ZNF768: variants seen among roughly 807,000 people sequenced by gnomAD.
The protein encoded by ZNF768 is zinc finger protein 768.
A neutral mutation model predicts 39.7 loss-of-function variants in ZNF768; 12 were observed. The ratio of observed to expected loss-of-function variants is 0.30; its 90% CI spans 0.19 to 0.49. The LOEUF (loss-of-function observed/expected upper bound fraction) is 0.49. Ranked by LOEUF, ZNF768 falls within the 20% of genes least tolerant of loss-of-function variation. ZNF768 has a pLI of 0.99. For synonymous variants in ZNF768, 360 were observed against 288.4 expected (o/e 1.25, Z -2.52); for missense variants, 613 against 723.2 (o/e 0.85, Z 1.75).
upstream of ZNF768, chr16:30,526,582 C>A: frequency 3.9e-6 from 4 of 1,030,836 alleles, no homozygotes; most frequent in Non-Finnish European, 3.5e-6. Flanking sequence ...CCGCGCCTCT[C>A]CAGCGCGCCG....
At chr16:30,532,472 A>G in the ZNF768 span, 19 of 1,585,550 alleles carry the variant, frequency 1.2e-5, no homozygotes, top group East Asian at 2.3e-5. Flanking sequence ...GCCGCCCACA[A>G]TGTCTAGATG....
chr16:30,525,554 C>T lies in ZNF768; in HGVS notation c.586G>A (p.Asp196Asn). The change falls in exon 2 of 2, where the codon GAC (aspartate) becomes AAC (asparagine). Residue 196 changes from aspartate (D) to asparagine (N), a missense_variant. Asp to Asn is a conservative substitution (Grantham distance 23). Around this residue, in one of 4 missense-constraint regions of ZNF768, gnomAD observed 347 missense variants for 326.1 expected, o/e 1.06. Coordinates refer to ENST00000380412, the MANE Select transcript of ZNF768 (RefSeq NM_024671.4). Reference protein sequence around the residue: ...LNISVGVHPLDSFTQGFGEQP... With the variant: ...LNISVGVHPLNSFTQGFGEQP... The stretch of plus-strand genomic sequence containing the variant: ...TCCCCAAACCCCTGAGTGAAGGAGT[C>T]CAGGGGGTGAACTCCTACGGAGATA... 1.2e-6 allele frequency: 2 copies of T among 1,614,194 alleles called. No homozygotes were observed. Among genetic ancestry groups the T allele is most frequent in the Non-Finnish European group, 1.7e-6 (2 of 1,180,014 alleles).
chr16:30,526,127 C>T, intron 1 of ZNF768, 76 bp from the exon 2 acceptor site: 1 of 1,493,310 alleles, frequency 6.7e-7, no homozygotes, highest in South Asian at 1.4e-5. Context: ...CACCTCCCAC[C>T]TCACATGCAG....
At chr16:30,526,677 C>CGGGGATGA (rs1459117240), upstream of ZNF768, 8 of 946,646 alleles carry the variant, frequency 8.5e-6, no homozygotes, top group East Asian at 6.8e-4. Flanking sequence ...GTCGCGGCCT[C>CGGGGATGA]GGGGATGAGG....
Position 30,524,509 on chromosome 16 carries a change from G to A in ZNF768, c.*8C>T, listed in dbSNP as rs763070372. The A allele has an allele frequency of 3.1e-6, 5 of 1,600,888 alleles. No individual in the cohort carries two copies. Among genetic ancestry groups the A allele is most frequent in the Non-Finnish European group, 3.4e-6 (4 of 1,176,090 alleles). On this transcript the variant is annotated 3_prime_UTR_variant, in exon 2 of 2. Coordinates refer to ENST00000380412, the MANE Select transcript of ZNF768 (RefSeq NM_024671.4). ...GCCCACACCTCCCACCCCTGCTGGG[G>A]CCCCAGGTCAGCGCCGGCCCGCCGC...
upstream of ZNF768, chr16:30,526,958 G>C: frequency 1.0e-6 from 1 of 985,454 alleles, no homozygotes; most frequent in African/African-American, 1.7e-5. Context: ...ACGCCCCGGA[G>C]CCCGCGGGGC....
At chr16:30,532,275 T>C in the ZNF768 span, 1 of 608,852 alleles carries the variant, frequency 1.6e-6, no homozygotes, top group East Asian at 2.8e-5. Context: ...TGGGGGGTTC[T>C]CACCTCAGCC....
chr16:30,524,935 C>T lies in ZNF768; in HGVS notation c.1205G>A (p.Ser402Asn). Residue 402 changes from serine (S) to asparagine (N), a missense_variant, in exon 2 of 2, where the codon AGC becomes AAC. Coordinates refer to ENST00000380412, the MANE Select transcript of ZNF768 (RefSeq NM_024671.4). ...QRVHTGQRPF[S>N]CGICGKSFSQ... ...GAAGCTCTTGCCGCAGATGCCACAG[C>T]TGAAGGGCCTCTGACCGGTGTGCAC... The T allele has an allele frequency of 6.2e-7, 1 of 1,613,128 alleles. No individual in the cohort carries two copies. Among genetic ancestry groups the T allele is most frequent in the Non-Finnish European group, 8.5e-7 (1 of 1,179,722 alleles).
At chr16:30,527,776 C>T (rs11645241), upstream of ZNF768, 21,090 of 152,354 alleles carry the variant, frequency 0.14, 2,026 homozygotes, top group Middle Eastern at 0.25. Context: ...TTAACTCAAT[C>T]CCTGGCAGCC....
rs945922967 is a variant in ZNF768 at position 30,524,144 on chromosome 16, C to T, written c.*373G>A. ...CCACCCCACCTACCTTTTACCCGCTCCTGACTCAACGAGAGTTTCAGCAGC... is the reference window on the plus strand; with the variant it reads ...CCACCCCACCTACCTTTTACCCGCTTCTGACTCAACGAGAGTTTCAGCAGC... On this transcript the variant is annotated 3_prime_UTR_variant, in exon 2 of 2. Coordinates refer to ENST00000380412, the MANE Select transcript of ZNF768 (RefSeq NM_024671.4). 3 of 233,400 alleles carry T rather than the reference C, an allele frequency of 1.3e-5. No homozygotes were observed. The highest frequency in any genetic ancestry group is 1.0e-4 in the Admixed American group (2 of 19,466). 14.5% of individuals were successfully genotyped at this position (233,400 alleles called of 1,614,324 possible).
upstream of ZNF768, chr16:30,530,881 C>G (rs905314505): frequency 6.6e-6 from 1 of 152,406 alleles, no homozygotes; most frequent in East Asian, 1.9e-4. This position sits in a 1 kb window ranked among gnomAD's most constrained non-coding sequence, Gnocchi z 4.4. Context: ...AGGGGCTGCC[C>G]GTGGCTGGAC....
At chr16:30,526,820 G>A, upstream of ZNF768, 1 of 487,498 alleles carries the variant, frequency 2.1e-6, no homozygotes, top group Non-Finnish European at 2.5e-6. Context: ...CGCACAGGAA[G>A]TGTCCGTCCG....
In ZNF768 at chr16:30,525,495, A is replaced by G. The variant is rs2051313229; in HGVS notation, c.645T>C (p.Pro215=). ...QPTGDLPIGP[P]FEMPTGALLS... ...GCAGGGCCCCTGTGGGCATCTCAAA[A>G]GGTGGCCCTATGGGCAGGTCCCCTG... The change falls in exon 2 of 2, where the codon CCT becomes CCC. Residue 215 remains proline, a synonymous_variant. Transcript: ENST00000380412. The G allele has an allele frequency of 6.2e-6, 10 of 1,614,162 alleles. No individual in the cohort carries two copies. In the East Asian group the frequency reaches 2.2e-4, roughly 36 times the overall value.
chr16:30,526,119 C>A (rs2051321276), intron 1 of ZNF768, 68 bp from the exon 2 acceptor site: 1 of 1,494,116 alleles, frequency 6.7e-7, no homozygotes, highest in Non-Finnish European at 8.9e-7. Flanking sequence ...CAACCACACA[C>A]CTCCCACCTC....
In ZNF768 at chr16:30,526,068, T is replaced by A. The variant is rs1173241784; in HGVS notation, c.89-17A>T. On this transcript the variant is annotated splice_polypyrimidine_tract_variant and intron_variant, in intron 1 of 1. Transcript: ENST00000380412. ...TCATGTTGCCTGCAGGATGAGAGAA[T>A]CCAGATCGTGTGAGACCTGGAAGGT... The A allele has an allele frequency of 6.7e-7, 1 of 1,495,368 alleles. No homozygotes were observed. The highest frequency in any genetic ancestry group is 2.5e-5 in the Admixed American group (1 of 39,918). The allele number at this position is 1,495,368 out of a possible 1,614,324, so 92.6% of individuals were successfully genotyped here.
chr16:30,525,958 T>A lies in ZNF768; in HGVS notation c.182A>T (p.Gln61Leu). The change falls in exon 2 of 2, where the codon CAG becomes CTG. Residue 61 changes from glutamine to leucine, a missense_variant. This residue lies in a region of ZNF768 where 347 missense variants were observed against 326.1 expected (regional missense o/e 1.06). Transcript: ENST00000380412. ...GCTTTGTGGCTCAAACCCAGGGCTCTGGGGTTCAAGCCCAAATGGTATCTC... is the reference window on the plus strand; with the variant it reads ...GCTTTGTGGCTCAAACCCAGGGCTCAGGGGTTCAAGCCCAAATGGTATCTC... Reference protein sequence around the residue: ...VEEIPFGLEPQSPGFEPQSPE... With the variant: ...VEEIPFGLEPLSPGFEPQSPE... The A allele has an allele frequency of 6.6e-7, 1 of 1,511,644 alleles. No homozygotes were observed. The highest frequency in any genetic ancestry group is 8.8e-7 in the Non-Finnish European group (1 of 1,133,046). 93.6% of individuals were successfully genotyped at this position (1,511,644 alleles called of 1,614,324 possible).
At chr16:30,526,951 C>A, upstream of ZNF768, 1 of 985,516 alleles carries the variant, frequency 1.0e-6, no homozygotes, top group Non-Finnish European at 1.2e-6. Context: ...GGACCGGACG[C>A]CCCGGAGCCC....
chr16:30,527,052 G>A (rs2151215981), upstream of ZNF768: 2 of 985,396 alleles, frequency 2.0e-6, no homozygotes, highest in Non-Finnish European at 2.4e-6. Flanking sequence ...CCGCGTCGTC[G>A]GTGCGTGTGG....
Position 30,525,928 on chromosome 16 carries a change from T to G in ZNF768, c.212A>C (p.Glu71Ala). 1.3e-6 allele frequency: 2 copies of G among 1,515,604 alleles called. No individual in the cohort carries two copies. Among genetic ancestry groups the G allele is most frequent in the Non-Finnish European group, 1.8e-6 (2 of 1,135,128 alleles). The allele number at this position is 1,515,604 out of a possible 1,614,324, so 93.9% of individuals were successfully genotyped here. Residue 71 changes from glutamate to alanine, a missense_variant, in exon 2 of 2, where the codon GAG becomes GCG. Glu to Ala is a moderately radical substitution (Grantham distance 107, BLOSUM62 -1). Coordinates refer to ENST00000380412, the MANE Select transcript of ZNF768 (RefSeq NM_024671.4). ...QSPGFEPQSPEFEPQSPRFEP... is the reference protein window; with the variant it reads ...QSPGFEPQSPAFEPQSPRFEP... ...AAATCTGGGGCTTTGGGGTTCAAAC[T>G]CTGGGCTTTGTGGCTCAAACCCAGG...
Sources: allele counts gnomAD v4.1 joint callset, GRCh38; gene constraint gnomAD v4.1.1; regional missense constraint gnomAD v4.1.1; non-coding constraint Gnocchi (gnomAD v3.1); transcripts MANE v1.5; gene names NCBI Gene and HGNC (gene_info 2026-07-23, HGNC 2026-07-21).